CNBD1: variants seen among roughly 807,000 people sequenced by gnomAD.
CNBD1 encodes the protein cyclic nucleotide-binding domain-containing protein 1.
A neutral mutation model predicts 54.4 loss-of-function variants in CNBD1; 71 were observed. The observed-to-expected ratio is 1.30, with a 90% CI of 1.08 to 1.59. The LOEUF (loss-of-function observed/expected upper bound fraction) is 1.59, where lower values mean the gene tolerates loss of function less well. CNBD1 is among the 40% of genes most tolerant of loss of function. CNBD1 has a pLI of 0.00. For synonymous variants in CNBD1, 182 were observed against 170.7 expected (o/e 1.07, Z -0.51); for missense variants, 659 against 518.0 (o/e 1.27, Z -2.64).
intron 6 of CNBD1, among the ~76,000 whole-genome samples, chr8:87,263,026 G>T (rs956717145): frequency 3.9e-5 from 6 of 152,146 alleles, no homozygotes; most frequent in African/African-American, 1.2e-4. Flanking sequence ...AGCAGACCCA[G>T]ATTAGAGAGC....
chr8:87,230,836 C>G (rs924509004), intron 5 of CNBD1, among the ~76,000 whole-genome samples: 1 of 152,138 alleles, frequency 6.6e-6, no homozygotes, highest in African/African-American at 2.4e-5. Flanking sequence ...CCAATCAACC[C>G]ACTTGTCATT....
intron 3 of CNBD1, among the ~76,000 whole-genome samples, chr8:86,916,614 AT>A (rs1232276673): frequency 6.6e-6 from 1 of 152,020 alleles, no homozygotes; most frequent in African/African-American, 2.4e-5. Flanking sequence ...CTGGGATCTT[AT>A]TGGAAAACTG....
chr8:87,350,733 G>A (rs1229285954), intron 8 of CNBD1, among the ~76,000 whole-genome samples: 2 of 151,968 alleles, frequency 1.3e-5, no homozygotes, highest in African/African-American at 4.8e-5. Context: ...TACTACTGCT[G>A]TGTTTAAAGT....
chr8:87,009,532 C>A (rs1809171919), intron 4 of CNBD1, among the ~76,000 whole-genome samples: 1 of 152,034 alleles, frequency 6.6e-6, no homozygotes, highest in Non-Finnish European at 1.5e-5. Context: ...AATCTCCTGA[C>A]CTCATGATCT....
intron 4 of CNBD1, among the ~76,000 whole-genome samples, chr8:87,186,560 G>C (rs1278309285): frequency 6.6e-6 from 1 of 151,940 alleles, no homozygotes; most frequent in Non-Finnish European, 1.5e-5. Flanking sequence ...TTCTTCTAAA[G>C]ACAGTTGTAT....
intron 3 of CNBD1, among the ~76,000 whole-genome samples, chr8:86,927,493 T>G (rs185016216): frequency 6.4e-4 from 98 of 152,150 alleles, no homozygotes; most frequent in African/African-American, 2.2e-3. Flanking sequence ...CTATGATCAG[T>G]TGGGGCTTGA....
intron 4 of CNBD1, among the ~76,000 whole-genome samples, chr8:87,079,122 T>C (rs539675117): frequency 1.6e-4 from 24 of 152,228 alleles, no homozygotes; most frequent in African/African-American, 5.8e-4. Context: ...ACAAAATAAT[T>C]TCACAGTGTC....
chr8:86,988,767 C>G (rs1168546526), intron 4 of CNBD1, among the ~76,000 whole-genome samples: 1 of 151,966 alleles, frequency 6.6e-6, no homozygotes, highest in Non-Finnish European at 1.5e-5. Context: ...TAAGTGAGAA[C>G]ATGTGAAGTT....
chr8:87,242,868 A>T (rs1321242954), intron 6 of CNBD1, among the ~76,000 whole-genome samples: 1 of 152,226 alleles, frequency 6.6e-6, no homozygotes, highest in East Asian at 1.9e-4. Flanking sequence ...ATGGGAATAA[A>T]TCCCAACTCA....
intron 8 of CNBD1, among the ~76,000 whole-genome samples, chr8:87,329,045 TA>T (rs1275555879): frequency 1.6e-5 from 2 of 126,758 alleles, no homozygotes; most frequent in African/African-American, 5.7e-5. Flanking sequence ...CTAGGAGTTT[TA>T]TTTTTTTTTA....
At chr8:86,983,212 G>C (rs933625997) in intron 4 of CNBD1, among the ~76,000 whole-genome samples, 12 of 152,136 alleles carry the variant, frequency 7.9e-5, no homozygotes, top group African/African-American at 2.9e-4. Flanking sequence ...AGATCTGATG[G>C]TTTTAAAAAG....
At chr8:87,211,956 T>G (rs1011620630) in intron 5 of CNBD1, among the ~76,000 whole-genome samples, 4 of 152,184 alleles carry the variant, frequency 2.6e-5, no homozygotes, top group Non-Finnish European at 5.9e-5. Flanking sequence ...TAAATTAATG[T>G]ATTAAATTGG....
intron 4 of CNBD1, among the ~76,000 whole-genome samples, chr8:87,181,095 C>A (rs1286189313): frequency 6.6e-6 from 1 of 152,104 alleles, no homozygotes; most frequent in African/African-American, 2.4e-5. Flanking sequence ...TCCCTTACCT[C>A]CTTGATGTTT....
intron 2 of CNBD1, among the ~76,000 whole-genome samples, chr8:86,892,176 A>T (rs1294531940): frequency 6.6e-6 from 1 of 152,046 alleles, no homozygotes; most frequent in Non-Finnish European, 1.5e-5. Context: ...ACCTTTGAGT[A>T]TAGTGTTAAC....
intron 4 of CNBD1, among the ~76,000 whole-genome samples, chr8:87,149,354 T>C (rs952582053): frequency 6.6e-6 from 1 of 152,176 alleles, no homozygotes; most frequent in Non-Finnish European, 1.5e-5. Flanking sequence ...TATGACATTT[T>C]TTTCGAGATG....
intron 4 of CNBD1, among the ~76,000 whole-genome samples, chr8:87,038,211 A>G (rs1197705859): frequency 1.3e-5 from 2 of 152,182 alleles, no homozygotes; most frequent in African/African-American, 2.4e-5. Flanking sequence ...ACTTTAGAGA[A>G]CTAATATTTA....
intron 4 of CNBD1, among the ~76,000 whole-genome samples, chr8:87,161,699 T>G (rs927661715): frequency 2.0e-5 from 3 of 152,142 alleles, no homozygotes; most frequent in African/African-American, 7.2e-5. Context: ...ATTTCTACAG[T>G]ACTCAGTATA....
intron 2 of CNBD1, among the ~76,000 whole-genome samples, chr8:87,389,779 C>T (rs568794493): frequency 5.3e-5 from 8 of 152,204 alleles, no homozygotes; most frequent in South Asian, 4.1e-4. Flanking sequence ...AAAAGGAGCC[C>T]GCATTGCCCA....
At chr8:87,282,907 A>G (rs923011247) in intron 6 of CNBD1, among the ~76,000 whole-genome samples, 1 of 152,126 alleles carries the variant, frequency 6.6e-6, no homozygotes, top group Admixed American at 6.6e-5. Flanking sequence ...CTGAGCAGGA[A>G]TATAAAAGCA....
Sources: gnomAD v4.1 joint callset for allele counts (sites outside exome capture counted in the v4.1 genomes callset) on GRCh38, gnomAD v4.1.1 for gene constraint, MANE v1.5 for transcripts, NCBI Gene and HGNC (gene_info 2026-07-23, HGNC 2026-07-21) for gene names.